Variants in CFAP44 observed in about 807,000 individuals in gnomAD.
CFAP44 encodes the protein cilia- and flagella-associated protein 44.
A neutral mutation model predicts 216.2 loss-of-function variants in CFAP44; 134 were observed. That is an observed-to-expected ratio of 0.62 (90% CI 0.54 to 0.72). CFAP44 has a LOEUF of 0.72. CFAP44 is among the 30% of genes least tolerant of loss of function. The pLI is 0.00. For missense variants in CFAP44, 2,035 were observed against 2,182.1 expected (o/e 0.93, Z 1.34); for synonymous variants, 700 against 727.6 (o/e 0.96, Z 0.61).
Position 113,416,584 on chromosome 3 carries a change from C to T in CFAP44, c.614G>A (p.Ser205Asn). 63 of 1,612,490 alleles carry T rather than the reference C, an allele frequency of 3.9e-5. No homozygotes were observed. The highest frequency in any genetic ancestry group is 5.3e-5 in the Non-Finnish European group (62 of 1,179,064). Residue 205 changes from serine (S) to asparagine (N), a missense_variant, in exon 6 of 35, where the codon AGT becomes AAT. Physicochemically the swap from Ser to Asn is conservative, Grantham distance 46. This residue lies in a region of CFAP44 where 1,883 missense variants were observed against 2,023.7 expected (regional missense o/e 0.93). Coordinates refer to ENST00000393845, the MANE Select transcript of CFAP44 (RefSeq NM_001164496.2). The stretch of plus-strand genomic sequence containing the variant: ...TTCATAGATGATAATATCTGGAAAA[C>T]TCCCTTTTTCAGCTACTGTGAAATA... The part of the protein sequence containing the change: ...KTYFTVAEKG[S>N]FPDIIIYEYP...
intron 33 of CFAP44, among the ~76,000 whole-genome samples, chr3:113,295,728 G>C (rs1173619006): frequency 1.3e-5 from 2 of 152,174 alleles, no homozygotes; most frequent in Non-Finnish European, 2.9e-5. Flanking sequence ...ACAATATGTA[G>C]GCATTAACAT....
Position 113,358,059 on chromosome 3 carries a change from T to C in CFAP44, c.3065+686A>G, listed in dbSNP as rs376046412. On this transcript the variant is annotated intron_variant, in intron 22 of 34. Transcript: ENST00000393845. ...ACAACACTGATAATCTTAGACATCA[T>C]ATGAGTTTTAAAAAAAGGCCAGATG... Among the ~76,000 whole-genome samples the C allele has an allele frequency of 5.3e-5, 8 of 152,190 alleles. 1 individual carries two copies. The highest frequency in any genetic ancestry group is 1.9e-4 in the East Asian group (1 of 5,188).
Position 113,323,958 on chromosome 3 carries a change from C to T in CFAP44, c.4516+2487G>A, listed in dbSNP as rs11924599. 1.8e-3 allele frequency among the ~76,000 whole-genome samples: 278 copies of T among 150,598 alleles called. 2 individuals are homozygous for T. Among genetic ancestry groups the T allele is most frequent in the African/African-American group, 5.6e-3 (228 of 40,788 alleles). ...ACTTGGGAGGCTGAGGCAGGAGAATCGCTTGAACCTAGGAGGTGGAGGTTG... is the reference window on the plus strand; with the variant it reads ...ACTTGGGAGGCTGAGGCAGGAGAATTGCTTGAACCTAGGAGGTGGAGGTTG... On this transcript the variant is annotated intron_variant, in intron 28 of 34. Transcript: ENST00000393845.
At chr3:113,396,491 A>G (rs776401045) in intron 14 of CFAP44, 27 bp downstream of exon 14, 1 of 1,598,194 alleles carries the variant, frequency 6.3e-7, no homozygotes, top group Non-Finnish European at 8.5e-7. Context: ...AATTTCAACA[A>G]GAAAAGAAAG....
At chr3:113,324,567 C>T (rs9682734) in intron 28 of CFAP44, among the ~76,000 whole-genome samples, 83,075 of 151,770 alleles carry the variant, frequency 0.55, 24,364 homozygotes, top group African/African-American at 0.76. Flanking sequence ...CCCCCATTCA[C>T]GAAAAAAATT....
At chr3:113,309,224 A>G (rs1187538367) in intron 28 of CFAP44, among the ~76,000 whole-genome samples, 4 of 152,294 alleles carry the variant, frequency 2.6e-5, no homozygotes, top group African/African-American at 9.6e-5. Flanking sequence ...AGAGAACTTG[A>G]TATCTGATCA....
At chr3:113,324,170 T>A (rs987333345) in intron 28 of CFAP44, among the ~76,000 whole-genome samples, 1 of 152,094 alleles carries the variant, frequency 6.6e-6, no homozygotes, top group South Asian at 2.1e-4. Context: ...ACTGGTGAAT[T>A]CTACTAAGTG....
rs575411901 is a variant in CFAP44 at position 113,294,555 on chromosome 3, C to T, written c.5373+132G>A. 3.0e-5 allele frequency: 36 copies of T among 1,190,290 alleles called. No homozygotes were observed. The African/African-American group carries it at 4.0e-4, about 13-fold the overall frequency. 73.7% of individuals were successfully genotyped at this position (1,190,290 alleles called of 1,614,324 possible). A position where few individuals can be genotyped will look rare whatever the true frequency, so the allele number is the denominator to read the frequency against. On this transcript the variant is annotated intron_variant, in intron 34 of 34. Transcript: ENST00000393845. ...AACACCAACTCAGTGTCCTCGGGGACGCAGATGGTCTGGAAGTGGTCCAAG... is the reference window on the plus strand; with the variant it reads ...AACACCAACTCAGTGTCCTCGGGGATGCAGATGGTCTGGAAGTGGTCCAAG...
At chr3:113,421,480 C>T (rs1029894898) in intron 4 of CFAP44, among the ~76,000 whole-genome samples, 5 of 152,124 alleles carry the variant, frequency 3.3e-5, no homozygotes, top group Non-Finnish European at 5.9e-5. Context: ...CCTAGTAATC[C>T]AATTACTGGG....
chr3:113,383,080 G>A (rs1933556319), intron 15 of CFAP44, among the ~76,000 whole-genome samples: 1 of 152,222 alleles, frequency 6.6e-6, no homozygotes, highest in South Asian at 2.1e-4. Flanking sequence ...CAAATATAAA[G>A]TAGTTGGGGA....
intron 6 of CFAP44, among the ~76,000 whole-genome samples, chr3:113,415,342 GT>G (rs1047488039): frequency 6.6e-6 from 1 of 151,642 alleles, no homozygotes; most frequent in African/African-American, 2.4e-5. Flanking sequence ...TTTTTGGAGG[GT>G]TTTTCTGTCT....
At chr3:113,395,364 A>G (rs1933961071) in intron 15 of CFAP44, among the ~76,000 whole-genome samples, 1 of 152,204 alleles carries the variant, frequency 6.6e-6, no homozygotes, top group South Asian at 2.1e-4. Flanking sequence ...AGATGAGGAA[A>G]AGTACATTCA....
chr3:113,347,927 T>A (rs752272828), intron 22 of CFAP44, among the ~76,000 whole-genome samples: 2 of 152,190 alleles, frequency 1.3e-5, no homozygotes, highest in Non-Finnish European at 2.9e-5. Context: ...CCGATTTTTC[T>A]CGGTCCTCAT....
At position 113,420,101 on chromosome 3, in the gene CFAP44, C is replaced by T. The variant is rs755573256; in HGVS notation, c.486G>A (p.Gly162=). ...LDDSIAIYIA[G]NQLIFLNLKT... is the part of the protein sequence containing the mutation. Reference sequence around the variant, plus strand: ...TCAAATTCAGAAAGATCAGTTGGTTCCCAGCTATGTATATGGCGATACTGT... The same window carrying T: ...TCAAATTCAGAAAGATCAGTTGGTTTCCAGCTATGTATATGGCGATACTGT... The change falls in exon 5 of 35, where the codon GGG becomes GGA. Residue 162 remains glycine, a synonymous_variant. Transcript: ENST00000393845. 2 of 1,613,986 alleles carry T rather than the reference C, an allele frequency of 1.2e-6. No homozygotes were observed. Among genetic ancestry groups the T allele is most frequent in the South Asian group, 1.1e-5 (1 of 91,048 alleles).
chr3:113,369,056 A>G (rs926892367), intron 18 of CFAP44, among the ~76,000 whole-genome samples: 13 of 152,332 alleles, frequency 8.5e-5, no homozygotes, highest in Middle Eastern at 3.4e-3. Context: ...ATATATATGC[A>G]CTCAATACAG....
At chr3:113,323,152 G>T (rs370302958) in intron 28 of CFAP44, among the ~76,000 whole-genome samples, 1 of 152,102 alleles carries the variant, frequency 6.6e-6, no homozygotes, top group African/African-American at 2.4e-5. Context: ...ATGAGATTTC[G>T]GTAGGGACAC....
chr3:113,330,323 C>T lies in CFAP44; in HGVS notation c.3961G>A (p.Asp1321Asn). The T allele has an allele frequency of 6.5e-7, 1 of 1,537,250 alleles. No individual in the cohort carries two copies. The highest frequency in any genetic ancestry group is 8.7e-7 in the Non-Finnish European group (1 of 1,146,892). The change falls in exon 26 of 35, where the codon GAT becomes AAT. Residue 1321 changes from aspartate (D) to asparagine (N), a missense_variant. Physicochemically the swap from Asp to Asn is conservative, Grantham distance 23. This residue lies in a region of CFAP44 where 1,883 missense variants were observed against 2,023.7 expected (regional missense o/e 0.93). Transcript: ENST00000393845. ...SRKDGDLTTR[D>N]SISRSSKAST... Reference sequence around the variant, plus strand: ...GCCTTTGATGATCTAGATATTGAATCACGGGTTGTCAAATCCCCATCCTTT... The same window carrying T: ...GCCTTTGATGATCTAGATATTGAATTACGGGTTGTCAAATCCCCATCCTTT...
intron 22 of CFAP44, among the ~76,000 whole-genome samples, chr3:113,345,584 T>G (rs1250615983): frequency 6.6e-6 from 1 of 152,200 alleles, no homozygotes; most frequent in Non-Finnish European, 1.5e-5. Flanking sequence ...CCTATTTGCC[T>G]CTGTAAAAAA....
chr3:113,388,021 C>A (rs1255994543), intron 15 of CFAP44, among the ~76,000 whole-genome samples: 1 of 152,026 alleles, frequency 6.6e-6, no homozygotes, highest in Non-Finnish European at 1.5e-5. Flanking sequence ...GCCAGTTCAG[C>A]CACAGTAGAA....
Sources: allele counts gnomAD v4.1 joint callset (sites outside exome capture counted in the v4.1 genomes callset), GRCh38; gene constraint gnomAD v4.1.1; regional missense constraint gnomAD v4.1.1; transcripts MANE v1.5; gene names NCBI Gene and HGNC (gene_info 2026-07-23, HGNC 2026-07-21).